MSANTD5: variants seen among roughly 807,000 people sequenced by gnomAD.
MSANTD5 encodes uncharacterized protein MSANTD5.
At chr5:178,703,103 C>A in the MSANTD5 span, among the ~76,000 whole-genome samples, 1 of 152,230 alleles carries the variant, frequency 6.6e-6, no homozygotes. Context: ...TGGCTCTCAG[C>A]CTTGAGGGAG....
chr5:178,697,199 A>C (rs1765421564), intron 1 of MSANTD5, among the ~76,000 whole-genome samples: 1 of 152,214 alleles, frequency 6.6e-6, no homozygotes, highest in African/African-American at 2.4e-5. Context: ...TCACGCCTGT[A>C]ATCCCAGCAC....
chr5:178,703,997 A>C, the MSANTD5 span, among the ~76,000 whole-genome samples: 1 of 151,618 alleles, frequency 6.6e-6, no homozygotes, highest in Non-Finnish European at 1.5e-5. Context: ...AAAAAAAAAA[A>C]GAAATGACAA....
chr5:178,698,625 G>A (rs578227142), upstream of MSANTD5, among the ~76,000 whole-genome samples: 101 of 152,192 alleles, frequency 6.6e-4, no homozygotes, highest in African/African-American at 2.4e-3. Context: ...TGCTGCCCAG[G>A]CTGGGGTGCA....
At chr5:178,704,457 G>A in the MSANTD5 span, among the ~76,000 whole-genome samples, 1 of 152,084 alleles carries the variant, frequency 6.6e-6, no homozygotes, top group South Asian at 2.1e-4. Context: ...CCAGAAAGTG[G>A]GCCCTCACCA....
At chr5:178,698,017 A>G (rs4976805), upstream of MSANTD5, among the ~76,000 whole-genome samples, 1,639 of 152,240 alleles carry the variant, frequency 0.011, 17 homozygotes, top group Non-Finnish European at 0.016. Flanking sequence ...ATTCCTATAG[A>G]TAAATTACCC....
At chr5:178,704,776 A>G in the MSANTD5 span, among the ~76,000 whole-genome samples, 1 of 152,200 alleles carries the variant, frequency 6.6e-6, no homozygotes, top group Non-Finnish European at 1.5e-5. Context: ...ACAAAAGAAT[A>G]TAGTATTTTA....
upstream of MSANTD5, among the ~76,000 whole-genome samples, chr5:178,699,644 C>G (rs1765455696): frequency 6.6e-6 from 1 of 152,200 alleles, no homozygotes; most frequent in African/African-American, 2.4e-5. Context: ...CTCCCGGCCT[C>G]AGGTGATCCA....
intron 1 of MSANTD5, among the ~76,000 whole-genome samples, chr5:178,696,525 C>T (rs976180774): frequency 6.6e-6 from 1 of 152,046 alleles, no homozygotes; most frequent in African/African-American, 2.4e-5. Context: ...TGCGACCAGC[C>T]CCCCTTGTAT....
chr5:178,706,763 CCTT>C, the MSANTD5 span, among the ~76,000 whole-genome samples: 240 of 152,126 alleles, frequency 1.6e-3, 1 homozygote, highest in African/African-American at 5.5e-3. Flanking sequence ...CAATGATTCC[CCTT>C]CTTCTGCCAC....
At chr5:178,693,546 A>G (rs1765378527), downstream of MSANTD5, among the ~76,000 whole-genome samples, 1 of 152,008 alleles carries the variant, frequency 6.6e-6, no homozygotes, top group South Asian at 2.1e-4. Context: ...TAGCTCTTAA[A>G]GGTGGTGCAG....
chr5:178,698,551 G>A (rs1765444544), upstream of MSANTD5, among the ~76,000 whole-genome samples: 1 of 152,026 alleles, frequency 6.6e-6, no homozygotes, highest in Non-Finnish European at 1.5e-5. Context: ...CAGGGAAGGG[G>A]GCTTTACAGT....
chr5:178,705,053 CTTT>C, the MSANTD5 span, among the ~76,000 whole-genome samples: 1 of 148,158 alleles, frequency 6.7e-6, no homozygotes, highest in Middle Eastern at 3.5e-3. Flanking sequence ...TTCTTCTTTT[CTTT>C]TTTTTTTTTT....
downstream of MSANTD5, among the ~76,000 whole-genome samples, chr5:178,692,638 C>T (rs1226953156): frequency 3.3e-5 from 5 of 152,044 alleles, no homozygotes; most frequent in Non-Finnish European, 7.3e-5. Context: ...CATGCAACAA[C>T]CTGGAGGAAT....
At chr5:178,696,587 T>G (rs961136409) in intron 1 of MSANTD5, among the ~76,000 whole-genome samples, 2 of 152,050 alleles carry the variant, frequency 1.3e-5, no homozygotes, top group Admixed American at 6.6e-5. Context: ...TTTTAGACAC[T>G]GGACAAGGGC....
chr5:178,697,316 T>A (rs555589614), intron 1 of MSANTD5, among the ~76,000 whole-genome samples: 3 of 151,192 alleles, frequency 2.0e-5, no homozygotes, highest in Non-Finnish European at 4.4e-5. Flanking sequence ...TAGCCGGGCG[T>A]GGTGGCGGGC....
chr5:178,704,306 G>GC, the MSANTD5 span, among the ~76,000 whole-genome samples: 1 of 152,158 alleles, frequency 6.6e-6, no homozygotes, highest in African/African-American at 2.4e-5. Context: ...AGGGGATGAG[G>GC]CCCCCGGGAG....
At chr5:178,705,655 G>A in the MSANTD5 span, among the ~76,000 whole-genome samples, 5 of 152,102 alleles carry the variant, frequency 3.3e-5, no homozygotes, top group South Asian at 8.3e-4. Flanking sequence ...ATCCCCAACT[G>A]CAAAATAGGA....
At chr5:178,694,047 T>G (rs1398934032), downstream of MSANTD5, among the ~76,000 whole-genome samples, 1 of 152,066 alleles carries the variant, frequency 6.6e-6, no homozygotes, top group African/African-American at 2.4e-5. Flanking sequence ...CTGGGCGCAG[T>G]GGCTCACGCC....
At chr5:178,706,833 A>T in the MSANTD5 span, 1 of 151,994 alleles carries the variant, frequency 6.6e-6, no homozygotes, top group African/African-American at 2.4e-5. Flanking sequence ...GGATTCCTGG[A>T]GCTAATGGCA....
Sources: gnomAD v4.1 joint callset for allele counts (sites outside exome capture counted in the v4.1 genomes callset) on GRCh38, gnomAD v4.1.1 for gene constraint, MANE v1.5 for transcripts, NCBI Gene and HGNC (gene_info 2026-07-23, HGNC 2026-07-21) for gene names.